The following ATM variants were observed in gnomAD, a reference collection of about 807,000 sequenced individuals.
The protein encoded by ATM is serine-protein kinase ATM.
Under a neutral mutation model 387.0 loss-of-function variants are expected in ATM, and 308 were observed. The observed-to-expected ratio is 0.80, with a 90% confidence interval of 0.73 to 0.87. The LOEUF (loss-of-function observed/expected upper bound fraction) is 0.87. Ranked by LOEUF, ATM falls within the 40% of genes least tolerant of loss-of-function variation. The pLI is 0.00. For missense variants in ATM, 3,312 were observed against 3,560.9 expected (o/e 0.93, Z 1.78); for synonymous variants, 1,156 against 1,187.3 (o/e 0.97, Z 0.54).
Position 108,316,094 on chromosome 11 carries a change from G to A in ATM, c.6179G>A (p.Arg2060His), listed in dbSNP as rs376521407. The change falls in exon 42 of 63, where the codon CGC (arginine) becomes CAC (histidine). Residue 2060 changes from arginine (R) to histidine (H), a missense_variant. This residue lies in a region of ATM where 1,405 missense variants were observed against 1,604.4 expected (regional missense o/e 0.88). Transcript: ENST00000675843. ...DLETAIPSST[R>H]QAGIIQALQN... is the part of the protein sequence containing the mutation. The stretch of plus-strand genomic sequence containing the variant: ...GAAACAGCAATCCCCTCATCAACAC[G>A]CCAGGCAGGAATCATTCAGGTACAT... The A allele has an allele frequency of 5.6e-6, 9 of 1,613,980 alleles. No homozygotes were observed. The highest frequency in any genetic ancestry group is 6.8e-6 in the Non-Finnish European group (8 of 1,179,960).
At chr11:108,250,664 G>T (rs2135313864) in intron 9 of ATM, 37 bp from the exon 10 acceptor site, 1 of 1,572,400 alleles carries the variant, frequency 6.4e-7, no homozygotes, top group Non-Finnish European at 8.6e-7. Context: ...TAATGTGATG[G>T]AATAGTTTTC....
intron 58 of ATM, among the ~76,000 whole-genome samples, chr11:108,346,328 T>C (rs1421781549): frequency 1.3e-5 from 2 of 152,122 alleles, no homozygotes; most frequent in Admixed American, 6.5e-5. Flanking sequence ...TACTTTTTAA[T>C]AGAATTTTGT....
intron 20 of ATM, 122 bp downstream of exon 20, chr11:108,271,528 A>G: frequency 8.5e-7 from 1 of 1,182,512 alleles, no homozygotes; most frequent in Non-Finnish European, 1.3e-6. Flanking sequence ...ATCTTTTAAG[A>G]ATAGCAGAAT....
intron 32 of ATM, chr11:108,296,062 A>G (rs1481131839): frequency 6.6e-6 from 1 of 152,172 alleles, no homozygotes; most frequent in Non-Finnish European, 1.5e-5. Flanking sequence ...GTTTACCTGA[A>G]TGAAAGAAAT....
intron 5 of ATM, among the ~76,000 whole-genome samples, chr11:108,243,750 T>C (rs554398818): frequency 6.6e-6 from 1 of 152,346 alleles, no homozygotes; most frequent in Admixed American, 6.5e-5. Flanking sequence ...CACAGCAGTT[T>C]ATAGTTATTC....
chr11:108,250,968 A>C lies in ATM; in HGVS notation c.1503A>C (p.Gln501His). The C allele has an allele frequency of 6.2e-7, 1 of 1,614,168 alleles. No homozygotes were observed. The highest frequency in any genetic ancestry group is 8.5e-7 in the Non-Finnish European group (1 of 1,180,012). ...TFRGISSEQI[Q>H]AENFGLLGAI... ...GTGGTATAAGTTCTGAGCAAATACA[A>C]GCTGAAAACTTTGGCTTACTTGGAG... The change falls in exon 10 of 63, where the codon CAA becomes CAC. Residue 501 changes from glutamine to histidine, a missense_variant. Physicochemically the swap from Gln to His is conservative, Grantham distance 24. Transcript: ENST00000675843.
chr11:108,283,778 A>G (rs773980148), intron 25 of ATM, among the ~76,000 whole-genome samples: 1 of 152,216 alleles, frequency 6.6e-6, no homozygotes, highest in South Asian at 2.1e-4. Context: ...TCCTCTGTAT[A>G]TACAGACTTT....
intron 5 of ATM, among the ~76,000 whole-genome samples, chr11:108,239,531 T>C (rs1351544518): frequency 6.6e-6 from 1 of 152,226 alleles, no homozygotes; most frequent in African/African-American, 2.4e-5. Context: ...CCACATTTTG[T>C]TAATTCATTC....
At chr11:108,262,180 G>A (rs980373260) in intron 16 of ATM, among the ~76,000 whole-genome samples, 4 of 152,274 alleles carry the variant, frequency 2.6e-5, no homozygotes, top group South Asian at 2.1e-4. Context: ...ACACATAATT[G>A]TCAGATTCAC....
Position 108,233,300 on chromosome 11 carries a change from G to A in ATM, c.332-2370G>A, listed in dbSNP as rs527583907. On this transcript the variant is annotated intron_variant, in intron 4 of 62. Coordinates refer to ENST00000675843, the MANE Select transcript of ATM (RefSeq NM_000051.4). ...CTCTGTAAGTAGGCTGGGCACAGTGGCTCATGCCTCTCTAATCCTAGTACT... is the reference window on the plus strand; with the variant it reads ...CTCTGTAAGTAGGCTGGGCACAGTGACTCATGCCTCTCTAATCCTAGTACT... Among the ~76,000 whole-genome samples, 8 of 152,312 alleles carry A rather than the reference G, an allele frequency of 5.3e-5. No homozygotes were observed. In the East Asian group the frequency reaches 7.7e-4, roughly 15 times the overall value.
Position 108,348,252 on chromosome 11 carries a change from AAG to A in ATM, c.8671+891_8671+892del, listed in dbSNP as rs545034465. On this transcript the variant is annotated intron_variant, in intron 59 of 62. Coordinates refer to ENST00000675843, the MANE Select transcript of ATM (RefSeq NM_000051.4). ...TATATAGACAGTTTAATATAAAAGA[AAG>A]AGAATATATATAGCTAAGGAATATA... Among the ~76,000 whole-genome samples, 517 of 151,672 alleles carry A rather than the reference AAG, an allele frequency of 3.4e-3. 1 individual carries two copies. Among genetic ancestry groups the A allele is most frequent in the African/African-American group, 8.4e-3 (346 of 41,412 alleles).
rs2089494486 is a variant in ATM, at chr11:108,353,781, A to C, written c.8687A>C (p.Gln2896Pro). The C allele has an allele frequency of 6.2e-7, 1 of 1,613,882 alleles. No homozygotes were observed. The highest frequency in any genetic ancestry group is 2.2e-5 in the East Asian group (1 of 44,878). The change falls in exon 60 of 63, where the codon CAG (glutamine) becomes CCG (proline). Residue 2896 changes from glutamine (Q) to proline (P), a missense_variant. This residue lies in a region of ATM where 1,405 missense variants were observed against 1,604.4 expected (regional missense o/e 0.88). Transcript: ENST00000675843. The part of the protein sequence containing the change: ...VHIDLGVAFE[Q>P]GKILPTPETV... Reference sequence around the variant, plus strand: ...TTTACTTTAGGTGTTGCTTTTGAACAGGGCAAAATCCTTCCTACTCCTGAG... The same window carrying C: ...TTTACTTTAGGTGTTGCTTTTGAACCGGGCAAAATCCTTCCTACTCCTGAG...
chr11:108,261,927 T>C (rs1011261567), intron 16 of ATM, among the ~76,000 whole-genome samples: 123 of 151,918 alleles, frequency 8.1e-4, no homozygotes, highest in Non-Finnish European at 1.3e-3. Flanking sequence ...AAGGGAAGTT[T>C]AGAGAAAAAA....
Position 108,361,481 on chromosome 11 carries a change from C to A in ATM, c.8851-3601C>A, listed in dbSNP as rs536682426. Among the ~76,000 whole-genome samples the A allele has an allele frequency of 9.9e-5, 15 of 152,082 alleles. No homozygotes were observed. The East Asian group carries it at 2.5e-3, about 25-fold the overall frequency. ...TCATATGGAACCAAAAAAGAGCCCG[C>A]ATCGGCAAGTCAATCCTAAGCCAAA... On this transcript the variant is annotated intron_variant, in intron 61 of 62. Transcript: ENST00000675843.
intron 61 of ATM, among the ~76,000 whole-genome samples, chr11:108,357,668 C>A (rs1591335374): frequency 6.6e-6 from 1 of 152,202 alleles, no homozygotes; most frequent in East Asian, 1.9e-4. Context: ...CTGGGAGGCA[C>A]CCCCCAGCAG....
intron 57 of ATM, 151 bp downstream of exon 57, chr11:108,343,522 A>G: frequency 2.2e-6 from 2 of 925,728 alleles, no homozygotes; most frequent in South Asian, 3.4e-5. Flanking sequence ...CATCAGAATG[A>G]AAGTGTGTGA....
rs771020891 is a variant in ATM at position 108,248,918 on chromosome 11, A to G, written c.1066-15A>G. ...AAAAAAAAAAGAAAAAAGTGGATTT[A>G]TTTTTATTTTACAGGTTTTTAATGA... On this transcript the variant is annotated splice_polypyrimidine_tract_variant and intron_variant, in intron 8 of 62. Coordinates refer to ENST00000675843, the MANE Select transcript of ATM (RefSeq NM_000051.4). 1 of 1,569,224 alleles carries G rather than the reference A, an allele frequency of 6.4e-7. No individual in the cohort carries two copies. The highest frequency in any genetic ancestry group is 8.7e-7 in the Non-Finnish European group (1 of 1,155,618).
At chr11:108,225,138 T>A (rs1160018748) in intron 1 of ATM, 5 of 152,188 alleles carry the variant, frequency 3.3e-5, no homozygotes, top group African/African-American at 4.8e-5. Flanking sequence ...AACCTTATGG[T>A]TCTTTGGATA....
intron 22 of ATM, among the ~76,000 whole-genome samples, chr11:108,273,700 A>G (rs975810171): frequency 5.9e-5 from 9 of 152,262 alleles, no homozygotes; most frequent in Admixed American, 3.9e-4. Flanking sequence ...TGTATGCTGA[A>G]TCAGCCTTGC....
Sources: gnomAD v4.1 joint callset for allele counts (sites outside exome capture counted in the v4.1 genomes callset) on GRCh38, gnomAD v4.1.1 for gene constraint, gnomAD v4.1.1 regional missense constraint, MANE v1.5 for transcripts, NCBI Gene and HGNC (gene_info 2026-07-23, HGNC 2026-07-21) for gene names.